Variants in DIP2C observed in about 807,000 individuals in gnomAD.
DIP2C encodes disco-interacting protein 2 homolog C.
Under a neutral mutation model 192.4 loss-of-function variants are expected in DIP2C, and 33 were observed. The observed-to-expected ratio is 0.17, with a 90% CI of 0.13 to 0.23. The LOEUF (loss-of-function observed/expected upper bound fraction) is 0.23, where lower values mean the gene tolerates loss of function less well. Ranked by LOEUF, DIP2C falls within the 10% of genes least tolerant of loss-of-function variation. DIP2C has a pLI of 1.00. For missense variants in DIP2C, 1,537 were observed against 2,110.1 expected, an observed-to-expected ratio of 0.73 and a Z score of 5.32; for synonymous variants, 979 against 864.1, an observed-to-expected ratio of 1.13 and a Z score of -2.33.
chr10:679,358 T>C (rs529513609), intron 1 of DIP2C, among the ~76,000 whole-genome samples: 1 of 3,096 alleles, frequency 3.2e-4, no homozygotes, highest in African/African-American at 7.6e-4. Context: ...ACCCATCCTC[T>C]TCGCGCCCAT....
intron 1 of DIP2C, among the ~76,000 whole-genome samples, chr10:653,907 G>C (rs1327068683): frequency 6.6e-6 from 1 of 152,230 alleles, no homozygotes; most frequent in African/African-American, 2.4e-5. Context: ...TTACCTGGGA[G>C]AGACACCCTT....
At chr10:372,079 T>C (rs1474275429) in intron 17 of DIP2C, among the ~76,000 whole-genome samples, 1 of 101,924 alleles carries the variant, frequency 9.8e-6, no homozygotes, top group East Asian at 3.1e-4. Context: ...CTTTCCTTTT[T>C]TTTTTTTTTT....
At chr10:414,978 G>A (rs922002269) in intron 7 of DIP2C, among the ~76,000 whole-genome samples, 11 of 147,936 alleles carry the variant, frequency 7.4e-5, no homozygotes, top group Non-Finnish European at 1.5e-5. Flanking sequence ...CCAGGCTCAA[G>A]TGATCTGCCT....
At chr10:333,482 T>C (rs931912077) in intron 29 of DIP2C, among the ~76,000 whole-genome samples, 1 of 152,244 alleles carries the variant, frequency 6.6e-6, no homozygotes, top group Non-Finnish European at 1.5e-5. Context: ...CAGGTGCTTC[T>C]GAGCTCATCC....
At chr10:312,257 G>C (rs531431705) in intron 31 of DIP2C, among the ~76,000 whole-genome samples, 1 of 152,152 alleles carries the variant, frequency 6.6e-6, no homozygotes, top group Non-Finnish European at 1.5e-5. Context: ...CCTGCTACCC[G>C]CATTAAATAA....
At chr10:337,803 G>GTGTTGTGGAGGCCTAGGCAGCTGTGTGTA (rs1218244015) in intron 29 of DIP2C, among the ~76,000 whole-genome samples, 3 of 129,790 alleles carry the variant, frequency 2.3e-5, no homozygotes, top group Admixed American at 7.6e-5. Context: ...GTGTGCACGT[G>GTGTTGTGGAGGCCTAGGCAGCTGTGTGTA]TGTCGTGGAG....
intron 4 of DIP2C, among the ~76,000 whole-genome samples, chr10:424,249 CTTA>C (rs1198357000): frequency 4.0e-5 from 6 of 150,216 alleles, no homozygotes; most frequent in South Asian, 2.1e-4. Context: ...AATATACACA[CTTA>C]TTATCACTGT....
Position 422,895 on chromosome 10 carries a change from G to A in DIP2C, c.533C>T (p.Ser178Leu). 2 of 1,613,894 alleles carry A rather than the reference G, an allele frequency of 1.2e-6. No homozygotes were observed. Among genetic ancestry groups the A allele is most frequent in the Non-Finnish European group, 1.7e-6 (2 of 1,180,024 alleles). ...IHGSTTSTTS[S>L]SSTQSGGSGA... Reference sequence around the variant, plus strand: ...GCTGCCCCCGCTCTGCGTAGAGGACGAGGAGGTGGTGGACGTGGTGGAGCC... The same window carrying A: ...GCTGCCCCCGCTCTGCGTAGAGGACAAGGAGGTGGTGGACGTGGTGGAGCC... The change falls in exon 5 of 37, where the codon TCG becomes TTG. Residue 178 changes from serine (S) to leucine (L), a missense_variant. By Grantham distance (145) the Ser-to-Leu change is moderately radical. Transcript: ENST00000280886.
chr10:302,674 C>G (rs1236790773), intron 32 of DIP2C, among the ~76,000 whole-genome samples: 3 of 152,192 alleles, frequency 2.0e-5, no homozygotes, highest in African/African-American at 7.2e-5. Flanking sequence ...TATGGTACGG[C>G]CAAGTGCTCC....
At chr10:573,451 A>C (rs1197355029) in intron 1 of DIP2C, among the ~76,000 whole-genome samples, 1 of 152,234 alleles carries the variant, frequency 6.6e-6, no homozygotes, top group Non-Finnish European at 1.5e-5. Context: ...CTCTGTCAAC[A>C]AGGCTTGACG....
chr10:585,754 C>CA (rs1157543773), intron 1 of DIP2C, among the ~76,000 whole-genome samples: 6 of 152,242 alleles, frequency 3.9e-5, no homozygotes, highest in African/African-American at 1.4e-4. Flanking sequence ...GATCATCATT[C>CA]AAAACTGAGG....
intron 2 of DIP2C, among the ~76,000 whole-genome samples, chr10:474,185 CACTT>C (rs1970873090): frequency 6.6e-6 from 1 of 152,184 alleles, no homozygotes; most frequent in South Asian, 2.1e-4. Context: ...AGCTACCTGG[CACTT>C]ACATTCATAA....
chr10:479,681 CCA>C (rs1220442618), intron 2 of DIP2C, among the ~76,000 whole-genome samples: 1 of 152,250 alleles, frequency 6.6e-6, no homozygotes, highest in African/African-American at 2.4e-5. Context: ...CAAATCTTTG[CCA>C]CACATCAGTA....
chr10:339,120 C>T (rs1180913755), intron 29 of DIP2C, among the ~76,000 whole-genome samples: 1 of 152,116 alleles, frequency 6.6e-6, no homozygotes, highest in African/African-American at 2.4e-5. Context: ...TTTACACCCC[C>T]AGGGCCTCTT....
intron 17 of DIP2C, among the ~76,000 whole-genome samples, chr10:381,719 A>C (rs928410744): frequency 1.3e-5 from 2 of 152,250 alleles, no homozygotes; most frequent in African/African-American, 4.8e-5. Flanking sequence ...TAATTTAAAA[A>C]CCACACACTG....
chr10:560,762 G>C (rs889512460), intron 1 of DIP2C, among the ~76,000 whole-genome samples: 2 of 152,156 alleles, frequency 1.3e-5, no homozygotes, highest in Non-Finnish European at 2.9e-5. Context: ...CTCTTGGCAA[G>C]GGCATTCCAA....
chr10:289,490 G>A (rs1955365025), intron 32 of DIP2C, among the ~76,000 whole-genome samples: 1 of 152,144 alleles, frequency 6.6e-6, no homozygotes. Context: ...CTGGTCTCAA[G>A]CTCCTGGTCT....
chr10:332,063 G>A (rs924762362), intron 29 of DIP2C, among the ~76,000 whole-genome samples: 11 of 152,000 alleles, frequency 7.2e-5, no homozygotes, highest in Admixed American at 4.6e-4. Flanking sequence ...CTAGAGGCAC[G>A]TACCACCATG....
chr10:454,471 T>G (rs1411488245), intron 3 of DIP2C, among the ~76,000 whole-genome samples: 1 of 152,126 alleles, frequency 6.6e-6, no homozygotes, highest in Non-Finnish European at 1.5e-5. Flanking sequence ...GCACCCTGTA[T>G]GCTTGATGTC....
Sources: gnomAD v4.1 joint callset for allele counts (sites outside exome capture counted in the v4.1 genomes callset) on GRCh38, gnomAD v4.1.1 for gene constraint, MANE v1.5 for transcripts, NCBI Gene and HGNC (gene_info 2026-07-23, HGNC 2026-07-21) for gene names.